Variants in MAPK6 observed in about 807,000 individuals in gnomAD.
MAPK6 encodes the protein ERK-3.
Under a neutral mutation model 59.3 loss-of-function variants are expected in MAPK6, and 19 were observed. That is an observed-to-expected ratio of 0.32 (90% CI 0.22 to 0.47). The LOEUF (loss-of-function observed/expected upper bound fraction) is 0.47, where lower values mean the gene tolerates loss of function less well. Among genes scored for constraint, MAPK6 ranks in the 20% least tolerant of loss-of-function variants. MAPK6 has a pLI of 1.00. For synonymous variants in MAPK6, 316 were observed against 290.3 expected, an observed-to-expected ratio of 1.09 and a Z score of -0.90; for missense variants, 724 against 847.9, an observed-to-expected ratio of 0.85 and a Z score of 1.81.
chr15:52,005,815 C>T (rs1008150371), intron 3 of MAPK6, among the ~76,000 whole-genome samples: 2 of 152,102 alleles, frequency 1.3e-5, no homozygotes, highest in African/African-American at 4.8e-5. Flanking sequence ...TGCTGACTAC[C>T]GTTGGTGCCA....
intron 2 of MAPK6, among the ~76,000 whole-genome samples, chr15:51,987,333 C>T (rs1374909694): frequency 6.6e-6 from 1 of 152,162 alleles, no homozygotes; most frequent in African/African-American, 2.4e-5. Flanking sequence ...AGGCTGGGCA[C>T]TGTGGCTCCC....
At chr15:52,014,224 T>C (rs554777996), upstream of MAPK6, among the ~76,000 whole-genome samples, 1 of 152,324 alleles carries the variant, frequency 6.6e-6, no homozygotes, top group South Asian at 2.1e-4. Context: ...CTCATCTATC[T>C]CTCGCTGTAC....
At chr15:52,003,894 A>T (rs571190883) in intron 2 of MAPK6, among the ~76,000 whole-genome samples, 1 of 152,248 alleles carries the variant, frequency 6.6e-6, no homozygotes. Context: ...TGCTGATGCA[A>T]TATAATTCCA....
chr15:52,064,975 G>A lies in MAPK6; in HGVS notation c.2141G>A (p.Ser714Asn), dbSNP rs1166893636. Residue 714 changes from serine (S) to asparagine (N), a missense_variant, in exon 6 of 6, where the codon AGC becomes AAC. Transcript: ENST00000261845. Reference protein sequence around the residue: ...SSPQIPHQTYSSILKHLN With the variant: ...SSPQIPHQTYNSILKHLN Reference sequence around the variant, plus strand: ...CCTCAAATTCCTCATCAAACATACAGCAGCATTCTGAAACATCTGAACTAA... The same window carrying A: ...CCTCAAATTCCTCATCAAACATACAACAGCATTCTGAAACATCTGAACTAA... 1.9e-6 allele frequency: 3 copies of A among 1,608,944 alleles called. No individual in the cohort carries two copies. The Admixed American group carries it at 5.0e-5, about 27-fold the overall frequency.
chr15:52,019,454 C>CGGA, intron 1 of MAPK6, 78 bp downstream of exon 1: 1 of 146,982 alleles, frequency 6.8e-6, no homozygotes, highest in East Asian at 2.0e-4. Context: ...CCGGCGGCGG[C>CGGA]GGCGGCGGCG....
At chr15:51,986,079 C>G (rs376551378) in intron 2 of MAPK6, among the ~76,000 whole-genome samples, 20 of 152,312 alleles carry the variant, frequency 1.3e-4, no homozygotes, top group African/African-American at 4.8e-4. Flanking sequence ...TTAATTGACT[C>G]ACAGTTCTGC....
intron 2 of MAPK6, among the ~76,000 whole-genome samples, chr15:51,990,464 A>C (rs188030341): frequency 1.3e-5 from 2 of 152,328 alleles, no homozygotes; most frequent in African/African-American, 4.8e-5. Flanking sequence ...AAAAGAGAAA[A>C]TGTCAATATT....
At chr15:52,058,837 G>T (rs758486709) in intron 4 of MAPK6, 40 bp downstream of exon 4, 4 of 1,532,036 alleles carry the variant, frequency 2.6e-6, no homozygotes, top group Non-Finnish European at 3.5e-6. Flanking sequence ...TAATGCCTGT[G>T]TGTGAGGCAG....
rs778191168 is a variant in MAPK6 at position 52,066,399 on chromosome 15, C to T, written c.*1399C>T. On this transcript the variant is annotated 3_prime_UTR_variant, in exon 6 of 6. Coordinates refer to ENST00000261845, the MANE Select transcript of MAPK6 (RefSeq NM_002748.4). The stretch of plus-strand genomic sequence containing the variant: ...GTTCAAGTCTTTTGACTTAAACCAT[C>T]ACATATTAGAATGGAATAAAGCTTT... The T allele has an allele frequency of 2.6e-5, 4 of 152,260 alleles. No individual in the cohort carries two copies. The highest frequency in any genetic ancestry group is 3.9e-4 in the East Asian group (2 of 5,190). The allele number at this position is 152,260 out of a possible 1,614,324, so 9.4% of individuals were successfully genotyped here. A position where few individuals can be genotyped will look rare whatever the true frequency, so the allele number is the denominator to read the frequency against.
At chr15:52,004,038 C>T (rs904698209) in intron 2 of MAPK6, 8 of 152,176 alleles carry the variant, frequency 5.3e-5, no homozygotes, top group African/African-American at 1.9e-4. Context: ...TCCCTATCTC[C>T]CTTTTCCTTT....
chr15:52,017,053 AAAAC>A (rs3078943), upstream of MAPK6: 55,436 of 154,174 alleles, frequency 0.36, 10,918 homozygotes, highest in Middle Eastern at 0.44. Flanking sequence ...CTCTGTCTCA[AAAAC>A]AAACAAACAA....
At chr15:52,027,234 C>T (rs928036073) in intron 1 of MAPK6, among the ~76,000 whole-genome samples, 1 of 147,958 alleles carries the variant, frequency 6.8e-6, no homozygotes, top group Non-Finnish European at 1.5e-5. Context: ...CCTGTAATCC[C>T]AGCTACTCGG....
intron 1 of MAPK6, among the ~76,000 whole-genome samples, chr15:51,982,260 A>C (rs1302610694): frequency 6.6e-6 from 1 of 152,230 alleles, no homozygotes; most frequent in Non-Finnish European, 1.5e-5. Flanking sequence ...GCATAACTGC[A>C]GAGATACTAT....
At chr15:52,025,600 A>G (rs1470149194) in intron 1 of MAPK6, among the ~76,000 whole-genome samples, 2 of 152,182 alleles carry the variant, frequency 1.3e-5, no homozygotes, top group African/African-American at 4.8e-5. Context: ...CAGGAGATCG[A>G]GACCATCCTA....
intron 2 of MAPK6, among the ~76,000 whole-genome samples, chr15:52,048,090 A>G (rs1319886144): frequency 1.3e-5 from 2 of 152,198 alleles, no homozygotes; most frequent in African/African-American, 4.8e-5. Context: ...AGCTTTCCAC[A>G]GTACATGCCT....
intron 5 of MAPK6, among the ~76,000 whole-genome samples, chr15:52,063,585 G>A (rs1288088035): frequency 4.6e-5 from 2 of 43,082 alleles, no homozygotes; most frequent in East Asian, 6.6e-4. Context: ...TGCCCTTACT[G>A]TAGAGTAAAC....
At chr15:52,059,505 C>A (rs2032114853) in intron 4 of MAPK6, among the ~76,000 whole-genome samples, 2 of 152,150 alleles carry the variant, frequency 1.3e-5, no homozygotes, top group Non-Finnish European at 2.9e-5. Context: ...TGTCTGCATA[C>A]CCTCTCTAAG....
At chr15:51,972,815 CA>C (rs538598867) in intron 1 of MAPK6, among the ~76,000 whole-genome samples, 1 of 150,222 alleles carries the variant, frequency 6.7e-6, no homozygotes, top group Non-Finnish European at 1.5e-5. Context: ...GACTCCATCT[CA>C]AAAAAATAAT....
intron 2 of MAPK6, among the ~76,000 whole-genome samples, chr15:51,989,244 T>A (rs1458617923): frequency 6.6e-6 from 1 of 151,980 alleles, no homozygotes; most frequent in Admixed American, 6.6e-5. Flanking sequence ...CATGCCCTGC[T>A]AATTTTTGTA....
Sources: gnomAD v4.1 joint callset for allele counts (sites outside exome capture counted in the v4.1 genomes callset) on GRCh38, gnomAD v4.1.1 for gene constraint, MANE v1.5 for transcripts, NCBI Gene and HGNC (gene_info 2026-07-23, HGNC 2026-07-21) for gene names.